The following PTPRM variants were observed in gnomAD, a reference collection of about 807,000 sequenced individuals.
The protein encoded by PTPRM is receptor-type tyrosine-protein phosphatase mu.
A neutral mutation model predicts 186.7 loss-of-function variants in PTPRM; 47 were observed. The observed-to-expected ratio is 0.25, with a 90% confidence interval of 0.20 to 0.32. The LOEUF (loss-of-function observed/expected upper bound fraction) is 0.32, where lower values mean the gene tolerates loss of function less well. Ranked by LOEUF, PTPRM falls within the 10% of genes least tolerant of loss-of-function variation. The pLI, the probability that PTPRM is intolerant of heterozygous loss-of-function variation, is 1.00. For missense variants in PTPRM, 1,494 were observed against 1,865.0 expected (o/e 0.80, Z 3.66); for synonymous variants, 668 against 674.9 (o/e 0.99, Z 0.16).
intron 8 of PTPRM, among the ~76,000 whole-genome samples, chr18:8,073,354 TGTC>T (rs2089606579): frequency 6.6e-6 from 1 of 152,248 alleles, no homozygotes; most frequent in Admixed American, 6.5e-5. Context: ...AAACTGATGA[TGTC>T]ATCATCATAA....
intron 1 of PTPRM, among the ~76,000 whole-genome samples, chr18:7,676,639 G>GTGTGTGTGTGTGTGTGTGTGTGTA (rs991467815): frequency 3.6e-5 from 5 of 138,388 alleles, no homozygotes; most frequent in African/African-American, 1.2e-4. Context: ...GTGTGTGTGT[G>GTGTGTGTGTGTGTGTGTGTGTGTA]TGTGTGTGTG....
At chr18:8,240,777 G>GGAGCGAGAGAGAGA in intron 14 of PTPRM, among the ~76,000 whole-genome samples, 1 of 57,300 alleles carries the variant, frequency 1.7e-5, no homozygotes, top group Non-Finnish European at 3.3e-5. Context: ...AGAGAGAGAG[G>GGAGCGAGAGAGAGA]GAGAGAGAGA....
intron 31 of PTPRM, among the ~76,000 whole-genome samples, chr18:8,392,709 C>T (rs556033688): frequency 6.6e-6 from 1 of 151,820 alleles, no homozygotes; most frequent in East Asian, 1.9e-4. Context: ...GAGCCTGGAC[C>T]ATTATGTGGT....
chr18:8,361,315 G>A (rs1275284131), intron 23 of PTPRM, among the ~76,000 whole-genome samples: 4 of 152,122 alleles, frequency 2.6e-5, no homozygotes, highest in African/African-American at 4.8e-5. Context: ...ATAAAGCATT[G>A]TGTGTTACAA....
At chr18:8,136,485 A>AT (rs997938474) in intron 13 of PTPRM, among the ~76,000 whole-genome samples, 7 of 152,104 alleles carry the variant, frequency 4.6e-5, no homozygotes, top group Admixed American at 2.0e-4. Flanking sequence ...AAAAAGATTG[A>AT]TTTTTTTAGA....
At chr18:7,771,356 A>T (rs540084157) in intron 1 of PTPRM, among the ~76,000 whole-genome samples, 1 of 152,342 alleles carries the variant, frequency 6.6e-6, no homozygotes, top group South Asian at 2.1e-4. Flanking sequence ...GCTGTTTTCT[A>T]CATCAAAATT....
At chr18:8,273,364 C>T (rs1331201526) in intron 19 of PTPRM, among the ~76,000 whole-genome samples, 1 of 152,140 alleles carries the variant, frequency 6.6e-6, no homozygotes, top group African/African-American at 2.4e-5. Flanking sequence ...TAGTCTTGAT[C>T]TTTATGTGAG....
intron 5 of PTPRM, among the ~76,000 whole-genome samples, chr18:7,940,695 G>A (rs1456477620): frequency 1.0e-4 from 14 of 135,484 alleles, no homozygotes; most frequent in Admixed American, 8.2e-4. Context: ...CTCGGTGGTC[G>A]TTCTTAGTAC....
At chr18:8,397,357 G>T (rs1446693498) in intron 32 of PTPRM, among the ~76,000 whole-genome samples, 1 of 152,210 alleles carries the variant, frequency 6.6e-6, no homozygotes, top group Non-Finnish European at 1.5e-5. Context: ...GTTCTAAATT[G>T]CTTCTGAGTG....
chr18:7,772,335 T>TCTTTCTTTC (rs1365268601), intron 1 of PTPRM, among the ~76,000 whole-genome samples: 1 of 141,100 alleles, frequency 7.1e-6, no homozygotes, highest in African/African-American at 2.7e-5. Context: ...GTTCTTTCTT[T>TCTTTCTTTC]TCTTTCTTTC....
At chr18:7,875,713 C>G (rs1599218369) in intron 2 of PTPRM, among the ~76,000 whole-genome samples, 1 of 152,182 alleles carries the variant, frequency 6.6e-6, no homozygotes, top group South Asian at 2.1e-4. Flanking sequence ...TCCTCCCTGC[C>G]TCTTCCTTTC....
chr18:8,399,289 G>C (rs1305788738), intron 32 of PTPRM, among the ~76,000 whole-genome samples: 1 of 152,186 alleles, frequency 6.6e-6, no homozygotes, highest in Non-Finnish European at 1.5e-5. Flanking sequence ...CTTCTGACTG[G>C]TTGTTGCACT....
intron 23 of PTPRM, chr18:8,367,104 G>A (rs576063612): frequency 6.6e-6 from 1 of 152,046 alleles, no homozygotes; most frequent in Admixed American, 6.5e-5. Context: ...AGAGAACGAA[G>A]CATATTTTGT....
intron 7 of PTPRM, among the ~76,000 whole-genome samples, chr18:7,997,356 C>A (rs778545380): frequency 2.6e-5 from 4 of 152,040 alleles, no homozygotes; most frequent in African/African-American, 9.7e-5. Flanking sequence ...TAAAACTAGA[C>A]CCCCATCACC....
At chr18:8,329,830 A>G (rs1353725129) in intron 22 of PTPRM, among the ~76,000 whole-genome samples, 1 of 152,040 alleles carries the variant, frequency 6.6e-6, no homozygotes, top group Non-Finnish European at 1.5e-5. Context: ...ACATGGTCTC[A>G]CTCTGTCACC....
chr18:7,966,150 G>C (rs1305553229), intron 7 of PTPRM, among the ~76,000 whole-genome samples: 1 of 152,084 alleles, frequency 6.6e-6, no homozygotes, highest in East Asian at 1.9e-4. Flanking sequence ...CAAGTGAATA[G>C]AATGCTTTAA....
chr18:7,649,906 CA>C (rs2038656412), intron 1 of PTPRM, among the ~76,000 whole-genome samples: 1 of 151,854 alleles, frequency 6.6e-6, no homozygotes, highest in South Asian at 2.1e-4. Flanking sequence ...TTTTTTTTAG[CA>C]ATAACATATT....
At position 8,054,298 on chromosome 18, in the gene PTPRM, A is replaced by AATATATATATATATATATATATAT. The variant is rs34903203; in HGVS notation, c.1133-15387_1133-15364dup. Reference sequence around the variant, plus strand: ...AGTAGTAATATATACTAGTAGTAGTAATATATATATATATATATATATATT... The same window carrying AATATATATATATATATATATATAT: ...AGTAGTAATATATACTAGTAGTAGTAATATATATATATATATATATATATATATATATATATATATATATATATT... On this transcript the variant is annotated intron_variant, in intron 7 of 32. Coordinates refer to ENST00000580170, the MANE Select transcript of PTPRM (RefSeq NM_001105244.2). Among the ~76,000 whole-genome samples, 101 of 131,624 alleles carry AATATATATATATATATATATATAT rather than the reference A, an allele frequency of 7.7e-4. 1 individual carries two copies. Among genetic ancestry groups the AATATATATATATATATATATATAT allele is most frequent in the Middle Eastern group, 3.6e-3 (1 of 276 alleles). The allele number at this position is 131,624 out of a possible 152,430, so 86.4% of individuals were successfully genotyped here. A position where few individuals can be genotyped will look rare whatever the true frequency, so the allele number is the denominator to read the frequency against.
chr18:7,945,878 G>T (rs1413601225), intron 5 of PTPRM, among the ~76,000 whole-genome samples: 2 of 152,220 alleles, frequency 1.3e-5, no homozygotes, highest in Admixed American at 1.3e-4. Context: ...CTGCAGATTT[G>T]AGTAAGATGT....
Sources: allele counts gnomAD v4.1 joint callset (sites outside exome capture counted in the v4.1 genomes callset), GRCh38; gene constraint gnomAD v4.1.1; transcripts MANE v1.5; gene names NCBI Gene and HGNC (gene_info 2026-07-23, HGNC 2026-07-21).